DMD: variants seen among roughly 807,000 people sequenced by gnomAD.
DMD encodes mutant dystrophin.
Under a neutral mutation model 330.1 loss-of-function variants are expected in DMD, and 63 were observed. The observed-to-expected ratio is 0.19, with a 90% CI of 0.16 to 0.24. DMD has a LOEUF of 0.24. Among genes scored for constraint, DMD ranks in the 10% least tolerant of loss-of-function variants. The probability of loss-of-function intolerance (pLI) is 1.00; values close to 1 mark genes in which losing one functional copy is unlikely to be tolerated. For missense variants in DMD, 3,344 were observed against 2,684.1 expected (o/e 1.25, Z -5.43); for synonymous variants, 1,223 against 959.8 (o/e 1.27, Z -5.07).
intron 55 of DMD, among the ~76,000 whole-genome samples, chrX:31,554,213 G>A (rs1327431206): frequency 8.9e-6 from 1 of 112,272 alleles, no homozygotes; most frequent in Non-Finnish European, 1.9e-5. Context: ...GAATATGAGA[G>A]TAAGAAGAAC....
At chrX:32,933,658 T>C (rs934220019) in intron 2 of DMD, among the ~76,000 whole-genome samples, 4 of 112,010 alleles carry the variant, frequency 3.6e-5, no homozygotes, top group South Asian at 7.5e-4. Context: ...GGAAAAACTG[T>C]TGACTGTGAG....
intron 30 of DMD, among the ~76,000 whole-genome samples, chrX:32,400,244 A>G (rs1049228510): frequency 4.5e-5 from 5 of 111,828 alleles, no homozygotes; most frequent in Non-Finnish European, 9.4e-5. Flanking sequence ...GGCTCTGTTT[A>G]GATGCTGGAT....
intron 1 of DMD, among the ~76,000 whole-genome samples, chrX:33,316,352 G>T (rs1327894395): frequency 9.0e-6 from 1 of 111,149 alleles, no homozygotes; most frequent in Non-Finnish European, 1.9e-5. Context: ...ATTATATTGG[G>T]TTTAAAGGAA....
intron 56 of DMD, among the ~76,000 whole-genome samples, chrX:31,497,961 C>G (rs2070039267): frequency 8.9e-6 from 1 of 112,296 alleles, no homozygotes; most frequent in African/African-American, 3.2e-5. Flanking sequence ...GGTGGAGCAA[C>G]ATTTCCCTTA....
intron 54 of DMD, among the ~76,000 whole-genome samples, chrX:31,647,862 T>G (rs1402726340): frequency 1.8e-5 from 2 of 112,250 alleles, no homozygotes; most frequent in African/African-American, 6.5e-5. Flanking sequence ...TTAGAAGATA[T>G]TTGAAACACA....
chrX:33,169,153 TTCAACTGAAA>T (rs2049212104), intron 1 of DMD, among the ~76,000 whole-genome samples: 1 of 111,340 alleles, frequency 9.0e-6, no homozygotes, highest in Non-Finnish European at 1.9e-5. Flanking sequence ...TTCATATTAT[TTCAACTGAAA>T]TCAAGCTTGT....
At chrX:33,287,410 C>T (rs2053449474) in intron 1 of DMD, among the ~76,000 whole-genome samples, 1 of 110,498 alleles carries the variant, frequency 9.0e-6, no homozygotes, top group African/African-American at 3.3e-5. Flanking sequence ...AAACTGCAGA[C>T]ATTGTCAAAT....
intron 2 of DMD, among the ~76,000 whole-genome samples, chrX:32,879,691 CATA>C (rs72322428): frequency 0.11 from 12,570 of 110,777 alleles, 578 homozygotes; most frequent in South Asian, 0.23. Context: ...GCCTGATGTT[CATA>C]ATCTTTTCCA....
Position 33,026,132 on chromosome X carries a change from A to G in DMD, c.32-5932T>C, listed in dbSNP as rs774310852. Among the ~76,000 whole-genome samples the G allele has an allele frequency of 1.1e-4, 12 of 108,146 alleles. No homozygotes were observed. The East Asian group carries it at 1.5e-3, about 13-fold the overall frequency. 93.9% of individuals were successfully genotyped at this position (108,146 alleles called of 115,157 possible). ...GGGCGGATCATGAGGTCAGGAGATC[A>G]AGACCATCCTGGCTAACACGGTGAA... On this transcript the variant is annotated intron_variant, in intron 1 of 78. Coordinates refer to ENST00000357033, the MANE Select transcript of DMD (RefSeq NM_004006.3).
chrX:32,451,523 A>T (rs911250959), intron 26 of DMD, among the ~76,000 whole-genome samples: 4 of 110,893 alleles, frequency 3.6e-5, no homozygotes, highest in Non-Finnish European at 7.6e-5. Context: ...GTTGTTTATC[A>T]AACTGTACCC....
At chrX:32,702,161 T>A (rs189618537) in intron 7 of DMD, among the ~76,000 whole-genome samples, 2 of 112,395 alleles carry the variant, frequency 1.8e-5, no homozygotes, top group East Asian at 5.6e-4. Flanking sequence ...CTGCTTCTAA[T>A]TTGGAATAAG....
intron 51 of DMD, among the ~76,000 whole-genome samples, chrX:31,773,724 C>CTTTTTTTTTTTTTT (rs762551529): frequency 1.9e-5 from 1 of 53,548 alleles, no homozygotes; most frequent in Non-Finnish European, 3.4e-5. Flanking sequence ...AAGGTTTCTG[C>CTTTTTTTTTTTTTT]TTTTTTTTTT....
chrX:32,679,597 G>A (rs2062222481), intron 9 of DMD, among the ~76,000 whole-genome samples: 1 of 110,934 alleles, frequency 9.0e-6, no homozygotes, highest in Admixed American at 9.6e-5. Flanking sequence ...ATGTCAGGCA[G>A]TGAGAAAAAA....
intron 44 of DMD, among the ~76,000 whole-genome samples, chrX:32,186,329 T>G (rs1359160783): frequency 1.8e-5 from 2 of 111,477 alleles, no homozygotes; most frequent in Admixed American, 9.6e-5. Flanking sequence ...CTCACTGTAA[T>G]TCAATTTTGT....
At chrX:31,771,684 A>G (rs1265444600) in intron 51 of DMD, among the ~76,000 whole-genome samples, 1 of 110,917 alleles carries the variant, frequency 9.0e-6, no homozygotes, top group Non-Finnish European at 1.9e-5. Context: ...TATTTTCAGT[A>G]GAGATGGGGT....
intron 44 of DMD, among the ~76,000 whole-genome samples, chrX:32,118,658 C>T (rs1437101594): frequency 8.1e-5 from 9 of 110,662 alleles, no homozygotes; most frequent in African/African-American, 2.6e-4. Context: ...AATGAGTCAC[C>T]TGGAAATTTT....
rs762968834 is a variant in DMD, at chrX:32,390,266, C to T, written c.4234-85G>A. 2.0e-4 allele frequency: 137 copies of T among 686,203 alleles called. 1 individual carries two copies. In the East Asian group the frequency reaches 4.5e-3, roughly 23 times the overall value. The allele number at this position is 686,203 out of a possible 1,213,427, so 56.6% of individuals were successfully genotyped here. On this transcript the variant is annotated intron_variant, in intron 30 of 78. Transcript: ENST00000357033. Reference sequence around the variant, plus strand: ...GAAGACGAAATTCAGAAACTCTCCTCAACCACCTCTACCATGTAGCTTCCT... The same window carrying T: ...GAAGACGAAATTCAGAAACTCTCCTTAACCACCTCTACCATGTAGCTTCCT...
At chrX:33,295,608 C>T (rs994396749) in intron 1 of DMD, among the ~76,000 whole-genome samples, 1 of 111,475 alleles carries the variant, frequency 9.0e-6, no homozygotes, top group Non-Finnish European at 1.9e-5. Flanking sequence ...GTCAGCAACT[C>T]AAGTTATATT....
At chrX:32,513,332 A>G (rs2045534093) in intron 18 of DMD, among the ~76,000 whole-genome samples, 1 of 112,211 alleles carries the variant, frequency 8.9e-6, no homozygotes, top group Middle Eastern at 4.2e-3. Flanking sequence ...CTGAGGTTTT[A>G]ATATGTTCGC....
Sources: allele counts gnomAD v4.1 joint callset (sites outside exome capture counted in the v4.1 genomes callset), GRCh38; gene constraint gnomAD v4.1.1; transcripts MANE v1.5; gene names NCBI Gene and HGNC (gene_info 2026-07-23, HGNC 2026-07-21).